SOS1: variants seen among roughly 807,000 people sequenced by gnomAD.
The protein encoded by SOS1 is son of sevenless homolog 1.
Under a neutral mutation model 157.6 loss-of-function variants are expected in SOS1, and 25 were observed. The ratio of observed to expected loss-of-function variants is 0.16; its 90% CI spans 0.12 to 0.22. The LOEUF is 0.22. Among genes scored for constraint, SOS1 ranks in the 10% least tolerant of loss-of-function variants. The pLI is 1.00. For synonymous variants in SOS1, 528 were observed against 534.0 expected (o/e 0.99, Z 0.16); for missense variants, 1,237 against 1,599.1 (o/e 0.77, Z 3.86).
At chr2:39,085,243 T>G (rs1009971247) in intron 1 of SOS1, among the ~76,000 whole-genome samples, 1 of 152,142 alleles carries the variant, frequency 6.6e-6, no homozygotes, top group Non-Finnish European at 1.5e-5. Context: ...AATGGGTGTC[T>G]CACTATGTTG....
At chr2:39,083,976 A>C (rs1461431313) in intron 1 of SOS1, among the ~76,000 whole-genome samples, 1 of 152,204 alleles carries the variant, frequency 6.6e-6, no homozygotes, top group Admixed American at 6.5e-5. Context: ...TCATTAGGGT[A>C]GGCCTGAATC....
intron 1 of SOS1, among the ~76,000 whole-genome samples, chr2:39,085,827 C>A (rs1672348509): frequency 6.6e-6 from 1 of 152,130 alleles, no homozygotes; most frequent in Non-Finnish European, 1.5e-5. Context: ...ACACATTCAA[C>A]AGATAGTATA....
chr2:38,996,897 A>C, intron 19 of SOS1, 25 bp downstream of exon 19: 1 of 1,144,814 alleles, frequency 8.7e-7, no homozygotes, highest in Non-Finnish European at 1.3e-6. Context: ...TAATGACATC[A>C]CCAGACAAAT....
Position 38,995,373 on chromosome 2 carries a change from G to A in SOS1, c.3096C>T (p.Ser1032=). 1 of 1,613,222 alleles carries A rather than the reference G, an allele frequency of 6.2e-7. No homozygotes were observed. The highest frequency in any genetic ancestry group is 8.5e-7 in the Non-Finnish European group (1 of 1,179,326). Residue 1032 remains serine (S), a synonymous_variant, in exon 20 of 23, where the codon AGC becomes AGT. Coordinates refer to ENST00000402219, the MANE Select transcript of SOS1 (RefSeq NM_005633.4). Reference sequence around the variant, plus strand: ...GAACACCAGGAGATTTTAGGGGATAGCTATATTTTTTTGGCTGTAGACATA... The same window carrying A: ...GAACACCAGGAGATTTTAGGGGATAACTATATTTTTTTGGCTGTAGACATA... ...KPLPRFPKKY[S]YPLKSPGVRP...
chr2:39,007,804 T>C (rs1474623864), intron 15 of SOS1, among the ~76,000 whole-genome samples: 1 of 152,038 alleles, frequency 6.6e-6, no homozygotes, highest in African/African-American at 2.4e-5. Flanking sequence ...GTAAAAATTA[T>C]TAAAACACAC....
intron 2 of SOS1, among the ~76,000 whole-genome samples, chr2:39,067,241 T>C (rs1026448824): frequency 7.9e-5 from 12 of 152,146 alleles, no homozygotes; most frequent in African/African-American, 2.9e-4. Context: ...CTTGAACTCC[T>C]GGGCTCAAGT....
intron 6 of SOS1, among the ~76,000 whole-genome samples, chr2:39,036,721 CCGCCACCA>C (rs1275715581): frequency 6.6e-6 from 1 of 151,898 alleles, no homozygotes; most frequent in Non-Finnish European, 1.5e-5. Flanking sequence ...TTACAGGCAT[CCGCCACCA>C]CGCCCGGCTA....
intron 1 of SOS1, among the ~76,000 whole-genome samples, chr2:39,116,059 C>T (rs1314681553): frequency 6.6e-6 from 1 of 152,150 alleles, no homozygotes; most frequent in African/African-American, 2.4e-5. Flanking sequence ...CATGAACATT[C>T]ATGTATAAGT....
At chr2:39,021,502 A>C (rs1669794322) in intron 10 of SOS1, among the ~76,000 whole-genome samples, 1 of 149,046 alleles carries the variant, frequency 6.7e-6, no homozygotes, top group Non-Finnish European at 1.5e-5. Context: ...ACTAGTAGTA[A>C]GTCTTCTTAC....
intron 1 of SOS1, among the ~76,000 whole-genome samples, chr2:39,070,170 A>C (rs563025256): frequency 1.3e-5 from 2 of 152,266 alleles, no homozygotes; most frequent in Admixed American, 1.3e-4. Context: ...AAAAAAAACA[A>C]AACTGGAACT....
At chr2:39,102,142 T>A (rs1297320926) in intron 1 of SOS1, among the ~76,000 whole-genome samples, 1 of 131,024 alleles carries the variant, frequency 7.6e-6, no homozygotes, top group Non-Finnish European at 1.5e-5. Flanking sequence ...GAGGCAGAGG[T>A]TGCAGTGAGC....
intron 5 of SOS1, 111 bp from the exon 6 acceptor site, chr2:39,051,398 G>C: frequency 8.5e-6 from 8 of 946,092 alleles, no homozygotes; most frequent in Non-Finnish European, 1.3e-5. Context: ...GTCAGACACA[G>C]TGAAAAATTT....
intron 20 of SOS1, chr2:38,993,868 A>G (rs888869989): frequency 6.6e-6 from 1 of 152,238 alleles, no homozygotes; most frequent in Non-Finnish European, 1.5e-5. Flanking sequence ...GCATGTGGAA[A>G]TGGTCATGAA....
At position 38,997,473 on chromosome 2, in the gene SOS1, A is replaced by G. The variant is rs540132304; in HGVS notation, c.2792-48T>C. 3.8e-3 allele frequency: 4,682 copies of G among 1,246,000 alleles called. 40 individuals carry two copies. Among genetic ancestry groups the G allele is most frequent in the Middle Eastern group, 0.01 (54 of 5,276 alleles). 77.2% of individuals were successfully genotyped at this position (1,246,000 alleles called of 1,614,324 possible). ...TTCAAGGATAAAGAAGGAAAATGCA[A>G]GTTTTTTTCTGTTTCATTAATTGTG... On this transcript the variant is annotated intron_variant, in intron 17 of 22. Transcript: ENST00000402219.
intron 20 of SOS1, chr2:38,993,640 G>A (rs565203109): frequency 2.0e-5 from 3 of 152,038 alleles, no homozygotes; most frequent in African/African-American, 2.4e-5. Flanking sequence ...CTTAAAAATC[G>A]AATTTGACCC....
chr2:39,123,202 G>C (rs1331544174), upstream of SOS1, among the ~76,000 whole-genome samples: 2 of 151,966 alleles, frequency 1.3e-5, no homozygotes, highest in Non-Finnish European at 2.9e-5. Flanking sequence ...GGCCTTCTCC[G>C]ATCACTCCAA....
intron 1 of SOS1, among the ~76,000 whole-genome samples, chr2:39,089,438 A>G (rs1278743508): frequency 6.7e-6 from 1 of 149,774 alleles, no homozygotes; most frequent in Non-Finnish European, 1.5e-5. Flanking sequence ...AGGCTGAAGC[A>G]TGAGAATTGC....
In SOS1 at chr2:38,989,264, A is replaced by G. The variant is rs1288615039; in HGVS notation, c.3391+6T>C. 6.3e-7 allele frequency: 1 copy of G among 1,586,288 alleles called. No individual in the cohort carries two copies. ...GAATTATGAGTCTTAAACCAAATAT[A>G]CTAACTTGGGCCATGGGGCAGAGTA... On this transcript the variant is annotated splice_donor_region_variant and intron_variant, in intron 21 of 22. Transcript: ENST00000402219.
At chr2:38,997,085 T>C (rs1248744764) in intron 18 of SOS1, 47 bp from the exon 19 acceptor site, 1 of 1,132,638 alleles carries the variant, frequency 8.8e-7, no homozygotes, top group Non-Finnish European at 1.3e-6. Context: ...AAATTATAAA[T>C]TCAGTTTGAA....
Sources: allele counts gnomAD v4.1 joint callset (sites outside exome capture counted in the v4.1 genomes callset), GRCh38; gene constraint gnomAD v4.1.1; transcripts MANE v1.5; gene names NCBI Gene and HGNC (gene_info 2026-07-23, HGNC 2026-07-21).